Variants in CLSTN1 observed in about 807,000 individuals in gnomAD.
The protein encoded by CLSTN1 is calsyntenin 1.
In CLSTN1, 28 loss-of-function variants were observed where a neutral mutation model predicts 108.3. That is an observed-to-expected ratio of 0.26 (90% CI 0.19 to 0.35). The LOEUF (loss-of-function observed/expected upper bound fraction) is 0.35, where lower values mean the gene tolerates loss of function less well. Among genes scored for constraint, CLSTN1 ranks in the 10% least tolerant of loss-of-function variants. The pLI, the probability that CLSTN1 is intolerant of heterozygous loss-of-function variation, is 1.00. For missense variants in CLSTN1, 1,157 were observed against 1,302.6 expected (o/e 0.89, Z 1.72); for synonymous variants, 524 against 534.9 (o/e 0.98, Z 0.28).
intron 1 of CLSTN1, among the ~76,000 whole-genome samples, chr1:9,807,011 T>C (rs1406163044): frequency 1.4e-5 from 2 of 148,010 alleles, no homozygotes; most frequent in East Asian, 3.9e-4. Context: ...AGTAAGGGCG[T>C]GGGGGGGGGT....
chr1:9,807,626 C>A (rs1162581036), intron 1 of CLSTN1, among the ~76,000 whole-genome samples: 2 of 152,262 alleles, frequency 1.3e-5, no homozygotes, highest in Admixed American at 1.3e-4. Context: ...GTACAGCAGT[C>A]AGCATCCCCT....
chr1:9,776,524 T>TAA lies in CLSTN1; in HGVS notation c.92-3132_92-3131dup, dbSNP rs76354703. 2.0e-5 allele frequency among the ~76,000 whole-genome samples: 3 copies of TAA among 148,620 alleles called. No individual in the cohort carries two copies. In the East Asian group the frequency reaches 5.9e-4, roughly 29 times the overall value. ...GGAAAATTTTGCTGTAGTTTACATT[T>TAA]AAAAAAAAAAATCCACATACACACA... is the stretch of plus-strand genomic sequence containing the variant. On this transcript the variant is annotated intron_variant, in intron 1 of 18. Transcript: ENST00000377298.
chr1:9,809,610 G>A (rs1248862913), intron 1 of CLSTN1, among the ~76,000 whole-genome samples: 3 of 151,890 alleles, frequency 2.0e-5, no homozygotes, highest in African/African-American at 2.4e-5. Context: ...GTGAAACCCC[G>A]TCTCTACTAA....
Position 9,751,542 on chromosome 1 carries a change from G to A in CLSTN1, c.580C>T (p.Pro194Ser). ...TAGCTGCAAATCTGGCTGAACTGAG[G>A]GGAGCAGTCGGCATCCACGGCCTCC... is the stretch of plus-strand genomic sequence containing the variant. ...RVEAVDADCS[P>S]QFSQICSYEI... Residue 194 changes from proline (P) to serine (S), a missense_variant, in exon 5 of 19, where the codon CCT (proline) becomes TCT (serine). Physicochemically the swap from Pro to Ser is moderately conservative, Grantham distance 74 (BLOSUM62 -1). Coordinates refer to ENST00000377298, the MANE Select transcript of CLSTN1 (RefSeq NM_001009566.3). 1 of 1,614,094 alleles carries A rather than the reference G, an allele frequency of 6.2e-7. No homozygotes were observed. The highest frequency in any genetic ancestry group is 1.3e-5 in the African/African-American group (1 of 75,016).
chr1:9,754,770 G>A (rs756932634), intron 4 of CLSTN1, among the ~76,000 whole-genome samples: 1 of 152,122 alleles, frequency 6.6e-6, no homozygotes, highest in East Asian at 1.9e-4. Context: ...CAGGAGAATC[G>A]CTTGAACCCA....
intron 4 of CLSTN1, 39 bp from the exon 5 acceptor site, chr1:9,751,720 T>C: frequency 1.9e-6 from 3 of 1,580,170 alleles, no homozygotes; most frequent in Non-Finnish European, 2.6e-6. Flanking sequence ...TTCTGCTTGT[T>C]TTCAGTGTGA....
chr1:9,800,866 G>A (rs1281780107), intron 1 of CLSTN1, among the ~76,000 whole-genome samples: 1 of 152,006 alleles, frequency 6.6e-6, no homozygotes, highest in Non-Finnish European at 1.5e-5. Flanking sequence ...TGGAACCTGG[G>A]AGGCGGAGGC....
chr1:9,800,363 C>T (rs907910736), intron 1 of CLSTN1, among the ~76,000 whole-genome samples: 5 of 151,488 alleles, frequency 3.3e-5, no homozygotes, highest in African/African-American at 9.7e-5. Context: ...AGAGAGAAGA[C>T]ACAAATTCCT....
intron 1 of CLSTN1, among the ~76,000 whole-genome samples, chr1:9,810,756 C>CACTG (rs1401343110): frequency 6.6e-6 from 1 of 152,036 alleles, no homozygotes; most frequent in Non-Finnish European, 1.5e-5. Context: ...GCCTGGGCGA[C>CACTG]ACAGTGAGAC....
intron 1 of CLSTN1, among the ~76,000 whole-genome samples, chr1:9,807,263 C>A (rs1325809867): frequency 6.6e-6 from 1 of 152,072 alleles, no homozygotes; most frequent in Non-Finnish European, 1.5e-5. Flanking sequence ...CCTAGGGAGA[C>A]CCATCTCTCA....
chr1:9,730,236 G>GCGCC lies in CLSTN1; in HGVS notation c.*271_*272insGGCG. 1.9e-6 allele frequency: 1 copy of GCGCC among 538,600 alleles called. No homozygotes were observed. The highest frequency in any genetic ancestry group is 3.4e-6 in the Non-Finnish European group (1 of 297,930). 33.4% of individuals were successfully genotyped at this position (538,600 alleles called of 1,614,324 possible). On this transcript the variant is annotated 3_prime_UTR_variant, in exon 19 of 19. Transcript: ENST00000377298. This position sits in a 1 kb window ranked among gnomAD's most constrained non-coding sequence, Gnocchi z 5.6. ...CCGGGGGGAGACTCCAGACACAAAC[G>GCGCC]CGGGGCCTGAGGCGCTGGGAGGCCC...
intron 2 of CLSTN1, among the ~76,000 whole-genome samples, chr1:9,760,039 C>A (rs1313383607): frequency 1.3e-5 from 2 of 152,096 alleles, no homozygotes; most frequent in African/African-American, 4.8e-5. Context: ...TGACACAGGT[C>A]TCTCCATAGG....
Position 9,733,472 on chromosome 1 carries a change from G to T in CLSTN1, c.2356C>A (p.Leu786Ile). The T allele has an allele frequency of 6.2e-7, 1 of 1,614,204 alleles. No individual in the cohort carries two copies. Among genetic ancestry groups the T allele is most frequent in the South Asian group, 1.1e-5 (1 of 91,084 alleles). Reference sequence around the variant, plus strand: ...CAGATGAGCTTAAACTTCCGGTCAAGCAAGGACCTGGCATGCCAGTTCCGA... The same window carrying T: ...CAGATGAGCTTAAACTTCCGGTCAATCAAGGACCTGGCATGCCAGTTCCGA... ...RYRNWHARSLLDRKFKLICSE... is the reference protein window; with the variant it reads ...RYRNWHARSLIDRKFKLICSE... The change falls in exon 16 of 19, where the codon CTT becomes ATT. Residue 786 changes from leucine (L) to isoleucine (I), a missense_variant. Transcript: ENST00000377298.
Position 9,795,232 on chromosome 1 carries a change from C to T in CLSTN1, c.92-21838G>A, listed in dbSNP as rs1002697411. Reference sequence around the variant, plus strand: ...CCAGGCTGGAGTACAGTGGCCCGATCTCGGCTCACTGCAACCTCTGCCTCC... The same window carrying T: ...CCAGGCTGGAGTACAGTGGCCCGATTTCGGCTCACTGCAACCTCTGCCTCC... On this transcript the variant is annotated intron_variant, in intron 1 of 18. Transcript: ENST00000377298. Among the ~76,000 whole-genome samples, 31 of 149,210 alleles carry T rather than the reference C, an allele frequency of 2.1e-4. 1 individual carries two copies. Among genetic ancestry groups the T allele is most frequent in the Admixed American group, 1.8e-3 (26 of 14,496 alleles).
intron 1 of CLSTN1, among the ~76,000 whole-genome samples, chr1:9,778,842 C>T (rs898638343): frequency 6.6e-6 from 1 of 151,732 alleles, no homozygotes; most frequent in Non-Finnish European, 1.5e-5. Flanking sequence ...TGGTAAAACC[C>T]CGTCTGTACT....
chr1:9,749,361 T>C (rs1157351570), intron 7 of CLSTN1, 100 bp downstream of exon 7: 4 of 1,152,050 alleles, frequency 3.5e-6, no homozygotes, highest in African/African-American at 3.1e-5. Flanking sequence ...CTGTCACAGT[T>C]TATAATTATG....
In CLSTN1 at chr1:9,789,209, C is replaced by G. The variant is rs564061675; in HGVS notation, c.92-15815G>C. On this transcript the variant is annotated intron_variant, in intron 1 of 18. Coordinates refer to ENST00000377298, the MANE Select transcript of CLSTN1 (RefSeq NM_001009566.3). ...CCAGAAGGCGGACTGCTGGATCATA[C>G]GGTGATTCTATCTTTAGGGTGATTG... Among the ~76,000 whole-genome samples, 24 of 151,454 alleles carry G rather than the reference C, an allele frequency of 1.6e-4. 2 individuals are homozygous for G. In the South Asian group the frequency reaches 5.0e-3, roughly 32 times the overall value.
chr1:9,768,625 C>T (rs1177562343), intron 2 of CLSTN1, among the ~76,000 whole-genome samples: 3 of 114,404 alleles, frequency 2.6e-5, no homozygotes, highest in East Asian at 2.8e-4. Flanking sequence ...TGTTGGGTGA[C>T]ACCATGGGGG....
chr1:9,806,971 T>C (rs977807390), intron 1 of CLSTN1, among the ~76,000 whole-genome samples: 1 of 152,054 alleles, frequency 6.6e-6, no homozygotes, highest in African/African-American at 2.4e-5. Flanking sequence ...TTTCATTCTA[T>C]TTTGGACTAA....
Sources: allele counts gnomAD v4.1 joint callset (sites outside exome capture counted in the v4.1 genomes callset), GRCh38; gene constraint gnomAD v4.1.1; non-coding constraint Gnocchi (gnomAD v3.1); transcripts MANE v1.5; gene names NCBI Gene and HGNC (gene_info 2026-07-23, HGNC 2026-07-21).